FBXL5: variants seen among roughly 807,000 people sequenced by gnomAD.
FBXL5 encodes F-box and leucine rich repeat protein 5.
A neutral mutation model predicts 78.3 loss-of-function variants in FBXL5; 26 were observed. The observed-to-expected ratio is 0.33, with a 90% CI of 0.24 to 0.46. FBXL5 has a LOEUF of 0.46. Among genes scored for constraint, FBXL5 ranks in the 20% least tolerant of loss-of-function variants. The probability of loss-of-function intolerance (pLI) is 1.00; values close to 1 mark genes in which losing one functional copy is unlikely to be tolerated. For synonymous variants in FBXL5, 295 were observed against 282.5 expected (o/e 1.04, Z -0.45); for missense variants, 710 against 829.2 (o/e 0.86, Z 1.77).
intron 7 of FBXL5, among the ~76,000 whole-genome samples, chr4:15,627,563 T>C: frequency 6.6e-6 from 1 of 152,228 alleles, no homozygotes; most frequent in Admixed American, 6.5e-5. Flanking sequence ...TTGCCCATCT[T>C]ACCATGCCTT....
intron 9 of FBXL5, among the ~76,000 whole-genome samples, chr4:15,616,687 G>C (rs1006173039): frequency 3.9e-5 from 6 of 152,210 alleles, no homozygotes; most frequent in African/African-American, 9.7e-5. Context: ...GCAAGAAAAA[G>C]TCAGAAATGA....
intron 1 of FBXL5, among the ~76,000 whole-genome samples, chr4:15,670,043 C>T (rs937148986): frequency 6.6e-6 from 1 of 152,198 alleles, no homozygotes; most frequent in African/African-American, 2.4e-5. Context: ...CACTTCCTGA[C>T]TCAAGCTTTT....
chr4:15,656,713 C>T (rs931690823), upstream of FBXL5, among the ~76,000 whole-genome samples: 4 of 150,024 alleles, frequency 2.7e-5, no homozygotes, highest in African/African-American at 9.7e-5. Context: ...TTCTTTATGC[C>T]TCAGTTTGCT....
At position 15,655,191 on chromosome 4, in the gene FBXL5, A is replaced by C; in HGVS notation, c.84+13T>G. 7.2e-7 allele frequency: 1 copy of C among 1,388,432 alleles called. No homozygotes were observed. The allele number at this position is 1,388,432 out of a possible 1,614,324, so 86.0% of individuals were successfully genotyped here. Reference sequence around the variant, plus strand: ...CCGCACCGCCCACAGCGGGAGGCTCAGCGCTCCGTTACCTTGTCGCAGTAG... The same window carrying C: ...CCGCACCGCCCACAGCGGGAGGCTCCGCGCTCCGTTACCTTGTCGCAGTAG... On this transcript the variant is annotated intron_variant, in intron 1 of 10. Transcript: ENST00000341285.
rs554087186 is a variant in FBXL5 at position 15,636,171 on chromosome 4, C to T, written c.766+323G>A. On this transcript the variant is annotated intron_variant, in intron 5 of 10. Transcript: ENST00000341285. The stretch of plus-strand genomic sequence containing the variant: ...ATTTTTAACTTTTAATTCTGAAAAA[C>T]AGTCAAAAGCAGAACTAGTATAATG... 2.0e-5 allele frequency among the ~76,000 whole-genome samples: 3 copies of T among 152,094 alleles called. No individual in the cohort carries two copies. In the South Asian group the frequency reaches 6.2e-4, roughly 32 times the overall value.
chr4:15,619,452 A>G (rs891944729), intron 9 of FBXL5, among the ~76,000 whole-genome samples: 3 of 152,232 alleles, frequency 2.0e-5, no homozygotes, highest in Admixed American at 6.5e-5. Flanking sequence ...TGATTGAGAA[A>G]AAAACGTGAC....
At chr4:15,633,882 G>A (rs997886727) in intron 5 of FBXL5, among the ~76,000 whole-genome samples, 16 of 152,120 alleles carry the variant, frequency 1.1e-4, no homozygotes, top group African/African-American at 2.9e-4. Flanking sequence ...GATTACAGGC[G>A]TGAGCCACCG....
rs772110534 is a variant in FBXL5 at position 15,627,930 on chromosome 4, T to C, written c.996A>G (p.Val332=). ...AGCTGTATGCTAATACTAAGGTTTT[T>C]ACAGAAGTACCAACATATGGTAGAA... ...HNVLPYVGTS[V]KTLVLAYSSA... Residue 332 remains valine, a synonymous_variant, in exon 7 of 11, where the codon GTA becomes GTG. Transcript: ENST00000341285. The C allele has an allele frequency of 6.2e-7, 1 of 1,613,894 alleles. No homozygotes were observed. The highest frequency in any genetic ancestry group is 8.5e-7 in the Non-Finnish European group (1 of 1,179,886).
At chr4:15,659,721 A>C (rs989524269), upstream of FBXL5, 2 of 985,146 alleles carry the variant, frequency 2.0e-6, no homozygotes, top group South Asian at 9.4e-5. Context: ...CCTTTATGTC[A>C]CCTACCTTGC....
chr4:15,674,056 A>G (rs1717869894), intron 1 of FBXL5, among the ~76,000 whole-genome samples: 1 of 152,210 alleles, frequency 6.6e-6, no homozygotes, highest in South Asian at 2.1e-4. Flanking sequence ...ACAAAAATTG[A>G]TACATTCAAG....
At chr4:15,613,660 T>C (rs1722422836) in intron 9 of FBXL5, among the ~76,000 whole-genome samples, 2 of 152,238 alleles carry the variant, frequency 1.3e-5, no homozygotes, top group South Asian at 4.1e-4. Context: ...TGGGTTGGGT[T>C]AATTTGAAAG....
intron 1 of FBXL5, chr4:15,681,343 G>A: frequency 6.2e-6 from 1 of 161,940 alleles, no homozygotes. Context: ...CGCGGGCCGG[G>A]AGCGCTTACC....
intron 2 of FBXL5, among the ~76,000 whole-genome samples, chr4:15,643,154 C>A (rs1056942328): frequency 2.0e-5 from 3 of 152,118 alleles, no homozygotes; most frequent in Non-Finnish European, 4.4e-5. Context: ...TAGTACCCTA[C>A]CCCAACCAAA....
At chr4:15,613,348 G>T (rs1361966567) in intron 9 of FBXL5, among the ~76,000 whole-genome samples, 1 of 152,050 alleles carries the variant, frequency 6.6e-6, no homozygotes, top group Non-Finnish European at 1.5e-5. Context: ...AAATTTTATG[G>T]TATGTTAATT....
In FBXL5 at chr4:15,615,760, G is replaced by A. The variant is rs754852246; in HGVS notation, c.1851-3346C>T. The stretch of plus-strand genomic sequence containing the variant: ...TGTATCTAGCTCAGGGATTGTAAAC[G>A]CACCAATCAGCGCCCTGACAAAAAA... On this transcript the variant is annotated intron_variant, in intron 9 of 10. Coordinates refer to ENST00000341285, the MANE Select transcript of FBXL5 (RefSeq NM_012161.4). Among the ~76,000 whole-genome samples, 150 of 151,726 alleles carry A rather than the reference G, an allele frequency of 9.9e-4. 2 individuals carry two copies. The highest frequency in any genetic ancestry group is 1.9e-3 in the Non-Finnish European group (128 of 67,948).
At chr4:15,676,414 C>G (rs1472902123) in intron 1 of FBXL5, among the ~76,000 whole-genome samples, 1 of 151,950 alleles carries the variant, frequency 6.6e-6, no homozygotes, top group African/African-American at 2.4e-5. Context: ...AGACAAATGA[C>G]CTAATCTCTA....
chr4:15,638,471 C>G (rs758178943), intron 4 of FBXL5, 37 bp downstream of exon 4: 8 of 1,463,084 alleles, frequency 5.5e-6, no homozygotes, highest in Non-Finnish European at 7.3e-6. Context: ...AATGACCTTA[C>G]AACTAATAAA....
Position 15,630,700 on chromosome 4 carries a change from A to C in FBXL5, c.858T>G (p.His286Gln). The part of the protein sequence containing the change: ...KNRKDESRAF[H>Q]EWDEDADIDE... ...CAATGTCAGCATCTTCATCCCACTC[A>C]TGAAAAGCACGACTTTCATCTTTCC... is the stretch of plus-strand genomic sequence containing the variant. Residue 286 changes from histidine to glutamine, a missense_variant, in exon 6 of 11, where the codon CAT (histidine) becomes CAG (glutamine). Around this residue, in one of 4 missense-constraint regions of FBXL5, gnomAD observed 517 missense variants for 542.9 expected, o/e 0.95. Coordinates refer to ENST00000341285, the MANE Select transcript of FBXL5 (RefSeq NM_012161.4). The C allele has an allele frequency of 6.3e-7, 1 of 1,599,744 alleles. No individual in the cohort carries two copies. Among genetic ancestry groups the C allele is most frequent in the Non-Finnish European group, 8.5e-7 (1 of 1,176,390 alleles).
chr4:15,655,476 T>C (rs1577496170), upstream of FBXL5: 1 of 807,160 alleles, frequency 1.2e-6, no homozygotes, highest in Non-Finnish European at 1.5e-6. Flanking sequence ...GCGGCCCACG[T>C]GACCGGGCGC....
Sources: allele counts gnomAD v4.1 joint callset (sites outside exome capture counted in the v4.1 genomes callset), GRCh38; gene constraint gnomAD v4.1.1; regional missense constraint gnomAD v4.1.1; transcripts MANE v1.5; gene names NCBI Gene and HGNC (gene_info 2026-07-23, HGNC 2026-07-21).